SEC16A: variants seen among roughly 807,000 people sequenced by gnomAD.
SEC16A encodes the protein SEC16 homolog A, endoplasmic reticulum export factor.
Under a neutral mutation model 221.9 loss-of-function variants are expected in SEC16A, and 110 were observed. The observed-to-expected ratio is 0.50, with a 90% confidence interval of 0.42 to 0.58. The LOEUF is 0.58. SEC16A is among the 20% of genes least tolerant of loss of function. The probability of loss-of-function intolerance (pLI) is 0.00; values close to 1 mark genes in which losing one functional copy is unlikely to be tolerated. For synonymous variants in SEC16A, 1,393 were observed against 1,257.7 expected (o/e 1.11, Z -2.28); for missense variants, 3,165 against 3,097.8 (o/e 1.02, Z -0.52).
chr9:136,460,219 T>C (rs1399857129), intron 13 of SEC16A, 96 bp from the exon 14 acceptor site: 1 of 970,036 alleles, frequency 1.0e-6, no homozygotes, highest in Non-Finnish European at 1.6e-6. Context: ...TCCCAGCACT[T>C]TGGGAGGCCA....
At position 136,463,659 on chromosome 9, in the gene SEC16A, T is replaced by C; in HGVS notation, c.4508+20A>G. 6.2e-7 allele frequency: 1 copy of C among 1,613,512 alleles called. No individual in the cohort carries two copies. The highest frequency in any genetic ancestry group is 8.5e-7 in the Non-Finnish European group (1 of 1,179,720). On this transcript the variant is annotated intron_variant, in intron 10 of 31. Coordinates refer to ENST00000684901, the MANE Select transcript of SEC16A (RefSeq NM_014866.2). ...CTGCAAGGCCGGGCTCACAAAGAAATGCCTCAACAAGGAACATACTTGGCC... is the reference window on the plus strand; with the variant it reads ...CTGCAAGGCCGGGCTCACAAAGAAACGCCTCAACAAGGAACATACTTGGCC...
Position 136,459,732 on chromosome 9 carries a change from A to G in SEC16A, c.5191+25T>C, listed in dbSNP as rs771469501. The G allele has an allele frequency of 6.4e-6, 10 of 1,564,032 alleles. No individual in the cohort carries two copies. The highest frequency in any genetic ancestry group is 2.6e-6 in the Non-Finnish European group (3 of 1,145,554). On this transcript the variant is annotated intron_variant, in intron 15 of 31. Transcript: ENST00000684901. This position sits in a 1 kb window ranked among gnomAD's most constrained non-coding sequence, Gnocchi z 6.1. ...TTCGGCGCTCCATCCGCGACACCCA[A>G]TGCCCATCTCCACCCCTGACCTACC... is the stretch of plus-strand genomic sequence containing the variant.
intron 3 of SEC16A, among the ~76,000 whole-genome samples, chr9:136,473,521 C>T (rs1841183033): frequency 6.6e-6 from 1 of 152,284 alleles, no homozygotes; most frequent in African/African-American, 2.4e-5. Flanking sequence ...CGCACCACCA[C>T]GTGCTGACAG....
Position 136,446,946 on chromosome 9 carries a change from G to C in SEC16A, c.6701C>G (p.Ala2234Gly), listed in dbSNP as rs1463376044. 3 of 1,613,658 alleles carry C rather than the reference G, an allele frequency of 1.9e-6. No individual in the cohort carries two copies. Among genetic ancestry groups the C allele is most frequent in the Middle Eastern group, 1.7e-4 (1 of 6,058 alleles). Reference sequence around the variant, plus strand: ...CCCGTCTGGAAGCTGTGGTTCTTCTGCATCTGGGGATGAGAGAGCGAGGAG... The same window carrying C: ...CCCGTCTGGAAGCTGTGGTTCTTCTCCATCTGGGGATGAGAGAGCGAGGAG... ...PSNLFVPTPD[A>G]EEPQLPDGTG... The change falls in exon 28 of 32, where the codon GCA (alanine) becomes GGA (glycine). Residue 2234 changes from alanine (A) to glycine (G), a missense_variant. Physicochemically the swap from Ala to Gly is moderately conservative, Grantham distance 60. Around this residue, in one of 3 missense-constraint regions of SEC16A, gnomAD observed 1,088 missense variants for 1,089.6 expected, o/e 1.00. Transcript: ENST00000684901.
chr9:136,444,352 CGCA>C (rs1388423381), intron 30 of SEC16A, among the ~76,000 whole-genome samples: 2 of 152,186 alleles, frequency 1.3e-5, no homozygotes, highest in African/African-American at 2.4e-5. Flanking sequence ...CCACATTGGC[CGCA>C]GGTCACTGCT....
Position 136,475,437 on chromosome 9 carries a change from C to A in SEC16A, c.2179G>T (p.Ala727Ser), listed in dbSNP as rs754690182. The A allele has an allele frequency of 6.2e-7, 1 of 1,610,522 alleles. No homozygotes were observed. The highest frequency in any genetic ancestry group is 8.5e-7 in the Non-Finnish European group (1 of 1,177,756). The change falls in exon 3 of 32, where the codon GCG becomes TCG. Residue 727 changes from alanine to serine, a missense_variant. Ala to Ser is a moderately conservative substitution (Grantham distance 99, BLOSUM62 1). Coordinates refer to ENST00000684901, the MANE Select transcript of SEC16A (RefSeq NM_014866.2). The surrounding 1 kb of genome is among the most constrained non-coding windows in gnomAD (Gnocchi z 5.0). Reference protein sequence around the residue: ...KCESPATTLWAQSELPDFGGN... With the variant: ...KCESPATTLWSQSELPDFGGN... The stretch of plus-strand genomic sequence containing the variant: ...CCAAAATCTGGCAGCTCACTTTGCG[C>A]CCACAGAGTCGTTGCTGGGCTCTCA...
At position 136,465,943 on chromosome 9, in the gene SEC16A, T is replaced by C. The variant is rs748195624; in HGVS notation, c.4303+19A>G. On this transcript the variant is annotated intron_variant, in intron 8 of 31. Coordinates refer to ENST00000684901, the MANE Select transcript of SEC16A (RefSeq NM_014866.2). ...CCAGTGGGGTTAGCCGGTATCCCTCTGTCCTGCTGAGCACACACCTTGCTC... is the reference window on the plus strand; with the variant it reads ...CCAGTGGGGTTAGCCGGTATCCCTCCGTCCTGCTGAGCACACACCTTGCTC... 8 of 1,606,698 alleles carry C rather than the reference T, an allele frequency of 5.0e-6. No homozygotes were observed. In the East Asian group the frequency reaches 1.1e-4, roughly 22 times the overall value.
chr9:136,474,118 G>T lies in SEC16A; in HGVS notation c.3498C>A (p.Tyr1166Ter). ...AAGAGTACTGAGGCTGGTAGGCATC[G>T]TACAAAGGCCGGTAGTAGTAGTAGG... ...LAAYYYYRPL[Y>*]DAYQPQYSLP... The change falls in exon 3 of 32, where the codon TAC becomes TAA. Residue 1166 changes from tyrosine (Y) to a stop codon, truncating the protein, a stop_gained. Transcript: ENST00000684901. LOFTEE classifies it high-confidence loss of function. 6.2e-7 allele frequency: 1 copy of T among 1,613,228 alleles called. No individual in the cohort carries two copies. The highest frequency in any genetic ancestry group is 8.5e-7 in the Non-Finnish European group (1 of 1,179,850).
chr9:136,457,769 C>T (rs1168382155), intron 17 of SEC16A, among the ~76,000 whole-genome samples, 185 bp from the exon 18 acceptor site: 1 of 152,062 alleles, frequency 6.6e-6, no homozygotes, highest in African/African-American at 2.4e-5. Context: ...CAGTCCTAGT[C>T]CCTGTTCCCC....
Position 136,466,223 on chromosome 9 carries a change from A to G in SEC16A, c.4128+41T>C. On this transcript the variant is annotated intron_variant, in intron 7 of 31. Transcript: ENST00000684901. This position sits in a 1 kb window ranked among gnomAD's most constrained non-coding sequence, Gnocchi z 5.5. Reference sequence around the variant, plus strand: ...ACATTGCAAACAGGATGGTGGTTCTAAACACAACCGTCCGCGTGTCTGTGA... The same window carrying G: ...ACATTGCAAACAGGATGGTGGTTCTGAACACAACCGTCCGCGTGTCTGTGA... The G allele has an allele frequency of 1.9e-6, 3 of 1,581,478 alleles. No individual in the cohort carries two copies. Among genetic ancestry groups the G allele is most frequent in the Non-Finnish European group, 2.6e-6 (3 of 1,161,298 alleles).
intron 22 of SEC16A, among the ~76,000 whole-genome samples, chr9:136,452,525 G>A (rs1837980384): frequency 6.7e-6 from 1 of 149,998 alleles, no homozygotes; most frequent in African/African-American, 2.4e-5. Flanking sequence ...AGCACTTTGG[G>A]AGGCTGAGGC....
At position 136,468,404 on chromosome 9, in the gene SEC16A, C is replaced by T. The variant is rs779187656; in HGVS notation, c.3802+11G>A. On this transcript the variant is annotated intron_variant, in intron 5 of 31. Coordinates refer to ENST00000684901, the MANE Select transcript of SEC16A (RefSeq NM_014866.2). ...CTGCTAAGGCCAGCTGCTTGGAGTT[C>T]CTTGACATACCTCCATAATCGTACT... The T allele has an allele frequency of 4.4e-6, 7 of 1,579,100 alleles. No individual in the cohort carries two copies. In the African/African-American group the frequency reaches 9.4e-5, roughly 21 times the overall value.
chr9:136,478,971 T>G (rs1224419054), intron 1 of SEC16A, among the ~76,000 whole-genome samples, 141 bp from the exon 2 acceptor site: 1 of 152,242 alleles, frequency 6.6e-6, no homozygotes, highest in African/African-American at 2.4e-5. Flanking sequence ...GCTTAAGGTC[T>G]GAAAGGACCA....
At position 136,459,063 on chromosome 9, in the gene SEC16A, G is replaced by T. The variant is rs576749738; in HGVS notation, c.5409+71C>A. ...TTCGATACCAATTCAAACAATCTAA[G>T]TAGCCAAAAGCTTGTTAGCACTGAG... On this transcript the variant is annotated intron_variant, in intron 17 of 31. Coordinates refer to ENST00000684901, the MANE Select transcript of SEC16A (RefSeq NM_014866.2). The surrounding 1 kb of genome is among the most constrained non-coding windows in gnomAD (Gnocchi z 6.1). 45 of 1,098,220 alleles carry T rather than the reference G, an allele frequency of 4.1e-5. No homozygotes were observed. In the Admixed American group the frequency reaches 9.6e-4, roughly 23 times the overall value. The allele number at this position is 1,098,220 out of a possible 1,614,324, so 68.0% of individuals were successfully genotyped here.
chr9:136,443,578 G>A (rs1307076322), intron 31 of SEC16A, among the ~76,000 whole-genome samples: 1 of 152,236 alleles, frequency 6.6e-6, no homozygotes, highest in Non-Finnish European at 1.5e-5. Context: ...CTACTCAGGA[G>A]GCTGAGGCAG....
At chr9:136,445,328 G>A (rs1836814934) in intron 29 of SEC16A, among the ~76,000 whole-genome samples, 1 of 152,330 alleles carries the variant, frequency 6.6e-6, no homozygotes. Flanking sequence ...GGGCTGGGAG[G>A]AAAAGTCCAG....
chr9:136,444,921 C>A, intron 30 of SEC16A, 131 bp downstream of exon 30: 12 of 614,760 alleles, frequency 2.0e-5, no homozygotes, highest in Admixed American at 2.7e-5. Context: ...TACCCTTGGT[C>A]ACGTGACGCT....
chr9:136,453,344 A>T (rs1838137233), intron 22 of SEC16A, 84 bp downstream of exon 22: 2 of 970,844 alleles, frequency 2.1e-6, no homozygotes, highest in Admixed American at 1.8e-5. Flanking sequence ...CACTACCATC[A>T]TCTTACAACT....
chr9:136,471,590 G>A (rs1370572355), intron 4 of SEC16A, among the ~76,000 whole-genome samples: 12 of 152,192 alleles, frequency 7.9e-5, no homozygotes, highest in African/African-American at 2.7e-4. Context: ...TCCGGAGACC[G>A]GTGAAAAGCT....
Sources: gnomAD v4.1 joint callset for allele counts (sites outside exome capture counted in the v4.1 genomes callset) on GRCh38, gnomAD v4.1.1 for gene constraint, gnomAD v4.1.1 regional missense constraint, Gnocchi (gnomAD v3.1) non-coding constraint, MANE v1.5 for transcripts, NCBI Gene and HGNC (gene_info 2026-07-23, HGNC 2026-07-21) for gene names.